The following MEGF11 variants were observed in gnomAD, a reference collection of about 807,000 sequenced individuals.
The protein encoded by MEGF11 is multiple epidermal growth factor-like domains protein 11.
MEGF11 carries 126 observed loss-of-function variants against 146.6 expected under a neutral mutation model. That is an observed-to-expected ratio of 0.86 (90% CI 0.74 to 1.00). The LOEUF (loss-of-function observed/expected upper bound fraction) is 1.00, where lower values mean the gene tolerates loss of function less well. Ranked by LOEUF, MEGF11 falls within the 50% of genes least tolerant of loss-of-function variation. MEGF11 has a pLI of 0.00. For synonymous variants in MEGF11, 532 were observed against 583.4 expected, an observed-to-expected ratio of 0.91 and a Z score of 1.27; for missense variants, 1,509 against 1,521.2, an observed-to-expected ratio of 0.99 and a Z score of 0.13.
intron 1 of MEGF11, among the ~76,000 whole-genome samples, chr15:66,202,508 G>A (rs1268595205): frequency 6.6e-6 from 1 of 152,202 alleles, no homozygotes; most frequent in African/African-American, 2.4e-5. Flanking sequence ...AGCTGGCCTG[G>A]CAGTCTGCTC....
At chr15:66,036,709 A>T (rs1231463287) in intron 5 of MEGF11, among the ~76,000 whole-genome samples, 1 of 152,218 alleles carries the variant, frequency 6.6e-6, no homozygotes, top group Non-Finnish European at 1.5e-5. Context: ...AGGCAAATTA[A>T]TTCACCAAAT....
rs1567213528 is a variant in MEGF11 at position 66,039,830 on chromosome 15, CGGCGGTGGGGTG to C, written c.394+54560_394+54571del. The stretch of plus-strand genomic sequence containing the variant: ...GGTGACGGTCCTGAGCCGGGTCAGG[CGGCGGTGGGGTG>C]ACGGTCCTGAGCCGGGTCAGGCGGC... On this transcript the variant is annotated intron_variant, in intron 5 of 25. Transcript: ENST00000395614. Among the ~76,000 whole-genome samples, 21 of 31,826 alleles carry C rather than the reference CGGCGGTGGGGTG, an allele frequency of 6.6e-4. 3 individuals are homozygous for C. The highest frequency in any genetic ancestry group is 2.5e-3 in the East Asian group (1 of 408). 20.9% of individuals were successfully genotyped at this position (31,826 alleles called of 152,430 possible).
rs1871004 is a variant in MEGF11 at position 66,061,357 on chromosome 15, C to G, written c.394+33045G>C. Among the ~76,000 whole-genome samples, 24 of 152,182 alleles carry G rather than the reference C, an allele frequency of 1.6e-4. No individual in the cohort carries two copies. The East Asian group carries it at 4.4e-3, about 28-fold the overall frequency. On this transcript the variant is annotated intron_variant, in intron 5 of 25. Coordinates refer to ENST00000395614, the MANE Select transcript of MEGF11 (RefSeq NM_001385028.1). ...GGCAGTTTTCCCACCTCACTGTCCC[C>G]TTCTCCTAACATGGGGCTGGAAAGG...
intron 1 of MEGF11, among the ~76,000 whole-genome samples, chr15:66,232,667 C>A (rs1412930518): frequency 2.0e-5 from 3 of 152,172 alleles, no homozygotes; most frequent in Non-Finnish European, 4.4e-5. Context: ...GGAGAACAGA[C>A]CCTGCTCCTT....
In MEGF11 at chr15:66,151,209, C is replaced by T. The variant is rs144224314; in HGVS notation, c.-8-22798G>A. Among the ~76,000 whole-genome samples, 583 of 152,318 alleles carry T rather than the reference C, an allele frequency of 3.8e-3. 4 individuals are homozygous for T. The highest frequency in any genetic ancestry group is 0.013 in the African/African-American group (554 of 41,574). ...CATGCGGAAAGCCACAAAGCCCTGA[C>T]CAAAGTCCCCAGAAATGTCTCCTGC... On this transcript the variant is annotated intron_variant, in intron 1 of 25. Transcript: ENST00000395614.
intron 5 of MEGF11, among the ~76,000 whole-genome samples, chr15:65,999,969 G>A (rs982611450): frequency 3.3e-5 from 5 of 152,186 alleles, no homozygotes; most frequent in South Asian, 2.1e-4. Flanking sequence ...AGGGAAAGGG[G>A]CAGTGCACAG....
Position 65,929,745 on chromosome 15 carries a change from C to A in MEGF11, c.1547G>T (p.Gly516Val). The change falls in exon 12 of 26, where the codon GGA becomes GTA. Residue 516 changes from glycine to valine, a missense_variant. Physicochemically the swap from Gly to Val is moderately radical, Grantham distance 109. Coordinates refer to ENST00000395614, the MANE Select transcript of MEGF11 (RefSeq NM_001385028.1). ...CGGGCAAGGCAGCTCACAGGTGTCTCCCAGCCAGCCAGGAGTGCAGGAGCA... is the reference window on the plus strand; with the variant it reads ...CGGGCAAGGCAGCTCACAGGTGTCTACCAGCCAGCCAGGAGTGCAGGAGCA... ...GSCSCTPGWLGDTCELPCPDG... is the reference protein window; with the variant it reads ...GSCSCTPGWLVDTCELPCPDG... 1 of 1,552,324 alleles carries A rather than the reference C, an allele frequency of 6.4e-7. No homozygotes were observed. Among genetic ancestry groups the A allele is most frequent in the South Asian group, 1.2e-5 (1 of 84,078 alleles).
chr15:66,242,916 T>C (rs1378854043), intron 1 of MEGF11, among the ~76,000 whole-genome samples: 2 of 152,178 alleles, frequency 1.3e-5, no homozygotes, highest in Non-Finnish European at 2.9e-5. Context: ...TTTATTTCAA[T>C]GGAAATGGGA....
intron 5 of MEGF11, among the ~76,000 whole-genome samples, chr15:66,081,606 T>C (rs1476250100): frequency 6.6e-6 from 1 of 152,162 alleles, no homozygotes; most frequent in Non-Finnish European, 1.5e-5. Context: ...CTCGAACTCC[T>C]GACCTCAAGT....
intron 5 of MEGF11, among the ~76,000 whole-genome samples, chr15:65,993,252 A>G (rs1044969375): frequency 2.0e-5 from 3 of 152,122 alleles, no homozygotes; most frequent in African/African-American, 7.2e-5. Context: ...CCATACAGCA[A>G]TGAGGTCTAT....
At chr15:65,944,241 A>G (rs898281790) in intron 10 of MEGF11, among the ~76,000 whole-genome samples, 3 of 152,192 alleles carry the variant, frequency 2.0e-5, no homozygotes, top group Non-Finnish European at 4.4e-5. Flanking sequence ...GGAGAAAAAC[A>G]TCCACAATGT....
intron 1 of MEGF11, 164 bp from the exon 2 acceptor site, chr15:66,128,575 C>G (rs74902237): frequency 2.4e-6 from 1 of 425,518 alleles, no homozygotes; most frequent in Non-Finnish European, 4.1e-6. Flanking sequence ...GAGTGGGAAG[C>G]CTGAGTCAGG....
intron 1 of MEGF11, among the ~76,000 whole-genome samples, chr15:66,146,311 C>A (rs2089369373): frequency 6.6e-6 from 1 of 152,220 alleles, no homozygotes; most frequent in Admixed American, 6.5e-5. Flanking sequence ...TGGTTTGCCT[C>A]CCCTCTCCCG....
chr15:66,188,372 T>C lies in MEGF11; in HGVS notation c.-8-59961A>G, dbSNP rs556262078. ...AAAAATAAAATTTTATGAACACTTATAACATGAAAAGAAAGAAAGGAAGAA... is the reference window on the plus strand; with the variant it reads ...AAAAATAAAATTTTATGAACACTTACAACATGAAAAGAAAGAAAGGAAGAA... On this transcript the variant is annotated intron_variant, in intron 1 of 25. Coordinates refer to ENST00000395614, the MANE Select transcript of MEGF11 (RefSeq NM_001385028.1). Among the ~76,000 whole-genome samples, 10 of 151,218 alleles carry C rather than the reference T, an allele frequency of 6.6e-5. No homozygotes were observed. In the South Asian group the frequency reaches 1.7e-3, roughly 25 times the overall value.
At chr15:66,246,978 G>A (rs1042632338) in intron 1 of MEGF11, among the ~76,000 whole-genome samples, 2 of 152,136 alleles carry the variant, frequency 1.3e-5, no homozygotes, top group African/African-American at 4.8e-5. Flanking sequence ...TATTTGGATT[G>A]ACTATCAAAG....
At chr15:66,158,834 A>G (rs1243519909) in intron 1 of MEGF11, among the ~76,000 whole-genome samples, 1 of 152,188 alleles carries the variant, frequency 6.6e-6, no homozygotes, top group African/African-American at 2.4e-5. Context: ...ATGAACCCAC[A>G]TTTTAAAACA....
At chr15:66,232,553 C>T (rs1427817601) in intron 1 of MEGF11, among the ~76,000 whole-genome samples, 3 of 152,132 alleles carry the variant, frequency 2.0e-5, no homozygotes, top group Admixed American at 6.6e-5. Flanking sequence ...CTAGCTCTCT[C>T]CTCTAAAATC....
chr15:66,154,652 A>G (rs544062760), intron 1 of MEGF11, among the ~76,000 whole-genome samples: 1 of 152,378 alleles, frequency 6.6e-6, no homozygotes, highest in South Asian at 2.1e-4. Context: ...AGACAGAGAC[A>G]CTTCTAAAAT....
intron 5 of MEGF11, among the ~76,000 whole-genome samples, chr15:66,016,478 A>G (rs956002536): frequency 7.3e-4 from 58 of 79,940 alleles, no homozygotes; most frequent in Non-Finnish European, 1.1e-3. Flanking sequence ...CCATCCATTC[A>G]GTTTTTTTTT....
Sources: gnomAD v4.1 joint callset for allele counts (sites outside exome capture counted in the v4.1 genomes callset) on GRCh38, gnomAD v4.1.1 for gene constraint, MANE v1.5 for transcripts, NCBI Gene and HGNC (gene_info 2026-07-23, HGNC 2026-07-21) for gene names.